The following FRAS1 variants were observed in gnomAD, a reference collection of about 807,000 sequenced individuals.
FRAS1 encodes Fraser extracellular matrix complex subunit 1, also known as extracellular matrix organizing protein FRAS1.
Under a neutral mutation model 435.2 loss-of-function variants are expected in FRAS1, and 290 were observed. The observed-to-expected ratio is 0.67, with a 90% CI of 0.61 to 0.73. The LOEUF (loss-of-function observed/expected upper bound fraction) is 0.73, where lower values mean the gene tolerates loss of function less well. FRAS1 is among the 30% of genes least tolerant of loss of function. FRAS1 has a pLI of 0.00. For missense variants in FRAS1, 4,860 were observed against 5,001.5 expected, an observed-to-expected ratio of 0.97 and a Z score of 0.85; for synonymous variants, 1,800 against 1,851.0, an observed-to-expected ratio of 0.97 and a Z score of 0.71.
intron 2 of FRAS1, among the ~76,000 whole-genome samples, chr4:78,168,552 G>C (rs1464089764): frequency 6.6e-6 from 1 of 151,784 alleles, no homozygotes; most frequent in Non-Finnish European, 1.5e-5. Context: ...TGTGGGAAAT[G>C]CCATTTTTAT....
At chr4:78,083,535 C>G (rs1740995835) in intron 2 of FRAS1, among the ~76,000 whole-genome samples, 1 of 151,702 alleles carries the variant, frequency 6.6e-6, no homozygotes. Flanking sequence ...AAATAAAAAG[C>G]CTAGGAACAC....
At chr4:78,236,573 A>T (rs1724773118) in intron 2 of FRAS1, among the ~76,000 whole-genome samples, 1 of 152,232 alleles carries the variant, frequency 6.6e-6, no homozygotes, top group Admixed American at 6.5e-5. Flanking sequence ...AATGAATCTC[A>T]GTACAGCCCA....
intron 5 of FRAS1, among the ~76,000 whole-genome samples, chr4:78,253,963 A>G (rs1255607306): frequency 6.8e-6 from 1 of 146,892 alleles, no homozygotes; most frequent in Non-Finnish European, 1.5e-5. Flanking sequence ...GACACACACA[A>G]CAGGAAGCAT....
intron 2 of FRAS1, among the ~76,000 whole-genome samples, chr4:78,123,091 A>G (rs1719122066): frequency 6.6e-6 from 1 of 152,160 alleles, no homozygotes; most frequent in African/African-American, 2.4e-5. Context: ...GTTTTCTTCT[A>G]GGATTTTTAT....
intron 9 of FRAS1, among the ~76,000 whole-genome samples, chr4:78,275,685 C>T (rs1341651013): frequency 6.6e-6 from 1 of 152,182 alleles, no homozygotes; most frequent in Non-Finnish European, 1.5e-5. Context: ...AAGAGATCAG[C>T]TGTTAGTCTG....
intron 55 of FRAS1, among the ~76,000 whole-genome samples, chr4:78,478,405 T>A (rs991990392): frequency 6.6e-6 from 1 of 152,218 alleles, no homozygotes; most frequent in Non-Finnish European, 1.5e-5. Flanking sequence ...GGAGGGAAGT[T>A]ACAGTTCATA....
At chr4:78,514,473 T>G (rs1051926261) in intron 65 of FRAS1, among the ~76,000 whole-genome samples, 3 of 152,262 alleles carry the variant, frequency 2.0e-5, no homozygotes, top group African/African-American at 7.2e-5. Flanking sequence ...TCATATTCAT[T>G]AAGCATCACT....
chr4:78,179,402 A>G (rs1467110686), intron 2 of FRAS1, among the ~76,000 whole-genome samples: 2 of 152,206 alleles, frequency 1.3e-5, no homozygotes, highest in Non-Finnish European at 2.9e-5. Context: ...ATGCCAAGAC[A>G]TGGCTCACAA....
chr4:78,346,161 C>T (rs192519344), intron 20 of FRAS1, among the ~76,000 whole-genome samples: 3 of 152,318 alleles, frequency 2.0e-5, no homozygotes, highest in Non-Finnish European at 4.4e-5. Flanking sequence ...CTTTTACACA[C>T]CTGTGAATTT....
intron 2 of FRAS1, among the ~76,000 whole-genome samples, chr4:78,177,867 G>A (rs1374244567): frequency 6.6e-6 from 1 of 152,120 alleles, no homozygotes; most frequent in Admixed American, 6.5e-5. Flanking sequence ...TTCTGTGTCA[G>A]TACAATGGCA....
intron 30 of FRAS1, among the ~76,000 whole-genome samples, chr4:78,401,889 A>G (rs1383297215): frequency 6.9e-6 from 1 of 145,700 alleles, no homozygotes; most frequent in Non-Finnish European, 1.5e-5. Context: ...TATTGAAACT[A>G]ATAGAAACTA....
chr4:78,519,444 G>A lies in FRAS1; in HGVS notation c.10503G>A (p.Glu3501=). 1 of 1,612,230 alleles carries A rather than the reference G, an allele frequency of 6.2e-7. No individual in the cohort carries two copies. Among genetic ancestry groups the A allele is most frequent in the Non-Finnish European group, 8.5e-7 (1 of 1,179,268 alleles). Residue 3501 remains glutamate, a synonymous_variant, in exon 67 of 74, where the codon GAG becomes GAA. Transcript: ENST00000512123. ...WASLEHHTEM[E]FSFFYDTVLW... is the part of the protein sequence containing the mutation. ...CCTTGGAGCACCACACCGAGATGGAGTTTTCTTTCTTCTATGACACTGTTC... is the reference window on the plus strand; with the variant it reads ...CCTTGGAGCACCACACCGAGATGGAATTTTCTTTCTTCTATGACACTGTTC...
At chr4:78,202,125 C>A (rs1723073155) in intron 2 of FRAS1, among the ~76,000 whole-genome samples, 2 of 152,184 alleles carry the variant, frequency 1.3e-5, no homozygotes, top group African/African-American at 4.8e-5. Context: ...CAGCCCCCAC[C>A]ACAGACAGTT....
chr4:78,114,811 A>T (rs1346300870), intron 2 of FRAS1, among the ~76,000 whole-genome samples: 2 of 152,176 alleles, frequency 1.3e-5, no homozygotes, highest in Non-Finnish European at 2.9e-5. Context: ...CTAATTGAAA[A>T]ATCCCTTATT....
intron 2 of FRAS1, among the ~76,000 whole-genome samples, chr4:78,117,767 G>C (rs1428358366): frequency 9.2e-5 from 14 of 152,264 alleles, no homozygotes; most frequent in Admixed American, 7.8e-4. Context: ...TCTTTGCCAT[G>C]GGTTCGAACT....
intron 14 of FRAS1, among the ~76,000 whole-genome samples, chr4:78,292,956 C>T (rs1727967120): frequency 6.6e-6 from 1 of 152,198 alleles, no homozygotes; most frequent in South Asian, 2.1e-4. Context: ...CTGACTGTCT[C>T]ATAAAGGTGA....
chr4:78,142,932 CCAAA>C (rs1720255968), intron 2 of FRAS1, among the ~76,000 whole-genome samples: 1 of 151,576 alleles, frequency 6.6e-6, no homozygotes, highest in Admixed American at 6.6e-5. Flanking sequence ...AGTGATAAAT[CCAAA>C]ATAAGACAAG....
intron 51 of FRAS1, among the ~76,000 whole-genome samples, chr4:78,470,764 A>G (rs1423684613): frequency 1.3e-5 from 2 of 152,218 alleles, no homozygotes; most frequent in Admixed American, 6.5e-5. Flanking sequence ...TGTAATCCTC[A>G]GAGAAGCCTA....
chr4:78,445,430 T>A, intron 41 of FRAS1, 92 bp from the exon 42 acceptor site: 7 of 1,420,686 alleles, frequency 4.9e-6, no homozygotes, highest in Non-Finnish European at 6.5e-6. Context: ...TTTTCTTTTT[T>A]TTTGCCGAAA....
Sources: allele counts gnomAD v4.1 joint callset (sites outside exome capture counted in the v4.1 genomes callset), GRCh38; gene constraint gnomAD v4.1.1; transcripts MANE v1.5; gene names NCBI Gene and HGNC (gene_info 2026-07-23, HGNC 2026-07-21).